CNTNAP5: variants seen among roughly 807,000 people sequenced by gnomAD.
CNTNAP5 encodes the protein contactin associated protein family member 5.
A neutral mutation model predicts 150.2 loss-of-function variants in CNTNAP5; 72 were observed. The observed-to-expected ratio is 0.48, with a 90% confidence interval of 0.40 to 0.58. CNTNAP5 has a LOEUF of 0.58. Ranked by LOEUF, CNTNAP5 falls within the 20% of genes least tolerant of loss-of-function variation. The pLI is 0.00. For synonymous variants in CNTNAP5, 672 were observed against 619.8 expected (o/e 1.08, Z -1.25); for missense variants, 1,636 against 1,626.2 (o/e 1.01, Z -0.10).
chr2:124,840,158 C>T (rs752790279), intron 19 of CNTNAP5, among the ~76,000 whole-genome samples: 5 of 152,052 alleles, frequency 3.3e-5, no homozygotes, highest in Admixed American at 6.6e-5. Context: ...GGAGAGATGA[C>T]TGACAGGTTG....
chr2:124,184,654 G>A (rs1311538489), intron 1 of CNTNAP5, among the ~76,000 whole-genome samples: 5 of 152,172 alleles, frequency 3.3e-5, no homozygotes, highest in Non-Finnish European at 5.9e-5. Flanking sequence ...TTCACCCTTT[G>A]AGTCACAATG....
chr2:124,827,852 G>A (rs1682630715), intron 19 of CNTNAP5, among the ~76,000 whole-genome samples: 1 of 152,130 alleles, frequency 6.6e-6, no homozygotes. Context: ...TAGTTTCTGT[G>A]TTTTCTTCCC....
Position 124,755,907 on chromosome 2 carries a change from A to T in CNTNAP5, c.2235-7765A>T, listed in dbSNP as rs555771772. On this transcript the variant is annotated intron_variant, in intron 14 of 23. Coordinates refer to ENST00000682447, the MANE Select transcript of CNTNAP5 (RefSeq NM_001367498.1). ...ATGTAATGGAAAGAACAAATTGTGG[A>T]TTTGTCACTTATTAACTAGAAAGCC... Among the ~76,000 whole-genome samples the T allele has an allele frequency of 3.3e-5, 5 of 152,234 alleles. No homozygotes were observed. The South Asian group carries it at 1.0e-3, about 32-fold the overall frequency.
chr2:124,490,672 GAAGT>G (rs1284030432), intron 7 of CNTNAP5, among the ~76,000 whole-genome samples: 6 of 152,112 alleles, frequency 3.9e-5, no homozygotes, highest in African/African-American at 1.4e-4. Context: ...TTGAACATTT[GAAGT>G]AAGTATGTCT....
intron 13 of CNTNAP5, among the ~76,000 whole-genome samples, chr2:124,649,170 T>C (rs1678267108): frequency 6.6e-6 from 1 of 152,208 alleles, no homozygotes; most frequent in African/African-American, 2.4e-5. Context: ...ATGTAACCTT[T>C]CTTGGTGACT....
intron 12 of CNTNAP5, among the ~76,000 whole-genome samples, chr2:124,635,303 A>G (rs999990357): frequency 1.3e-5 from 2 of 152,138 alleles, no homozygotes; most frequent in Non-Finnish European, 2.9e-5. Flanking sequence ...AAACTCTATG[A>G]TGAGAACAGT....
intron 3 of CNTNAP5, among the ~76,000 whole-genome samples, chr2:124,360,242 C>G (rs1470013570): frequency 6.6e-6 from 1 of 151,422 alleles, no homozygotes; most frequent in Non-Finnish European, 1.5e-5. Flanking sequence ...ACACTGAATA[C>G]AGCTCTTGAC....
intron 11 of CNTNAP5, among the ~76,000 whole-genome samples, chr2:124,597,549 G>C (rs1453377529): frequency 6.6e-6 from 1 of 150,972 alleles, no homozygotes; most frequent in South Asian, 2.1e-4. Flanking sequence ...AGGGTAACCC[G>C]AACTTTTTCT....
chr2:124,849,577 T>C (rs545350621), intron 19 of CNTNAP5, among the ~76,000 whole-genome samples: 5 of 152,194 alleles, frequency 3.3e-5, no homozygotes, highest in African/African-American at 9.6e-5. Context: ...AAATATACAA[T>C]TGGAATTTTA....
At chr2:124,663,254 G>A (rs1678630051) in intron 13 of CNTNAP5, among the ~76,000 whole-genome samples, 1 of 152,156 alleles carries the variant, frequency 6.6e-6, no homozygotes, top group Admixed American at 6.5e-5. Flanking sequence ...GTCGCCAGCT[G>A]CCCAGACGCC....
intron 3 of CNTNAP5, among the ~76,000 whole-genome samples, chr2:124,381,578 G>T (rs1221965249): frequency 6.6e-6 from 1 of 152,082 alleles, no homozygotes; most frequent in Non-Finnish European, 1.5e-5. Context: ...CTCGTAGAGA[G>T]GTGCCATTTG....
intron 12 of CNTNAP5, among the ~76,000 whole-genome samples, chr2:124,644,862 G>A (rs1678171021): frequency 6.6e-6 from 1 of 151,812 alleles, no homozygotes; most frequent in African/African-American, 2.4e-5. Context: ...TTGAAGCTAA[G>A]GGTTGTGATG....
At chr2:124,844,294 T>C (rs1015701393) in intron 19 of CNTNAP5, among the ~76,000 whole-genome samples, 3 of 152,118 alleles carry the variant, frequency 2.0e-5, no homozygotes, top group Admixed American at 2.0e-4. Flanking sequence ...TATGTTTTTG[T>C]TTGCTTTGTT....
At chr2:124,780,759 G>T (rs1681432584) in intron 17 of CNTNAP5, among the ~76,000 whole-genome samples, 1 of 152,194 alleles carries the variant, frequency 6.6e-6, no homozygotes, top group Admixed American at 6.5e-5. Flanking sequence ...TGTGATTTAA[G>T]CATACCAGAA....
chr2:124,208,959 C>T (rs1469917877), intron 1 of CNTNAP5, among the ~76,000 whole-genome samples: 1 of 152,110 alleles, frequency 6.6e-6, no homozygotes, highest in Non-Finnish European at 1.5e-5. Flanking sequence ...TTGTCATGAC[C>T]TCCCCGTGGG....
intron 13 of CNTNAP5, among the ~76,000 whole-genome samples, chr2:124,740,850 A>G (rs1680483247): frequency 6.6e-6 from 1 of 152,104 alleles, no homozygotes; most frequent in South Asian, 2.1e-4. Flanking sequence ...CTGCTGGGGC[A>G]TGTTCCCAGG....
chr2:124,786,434 GGAAGGAAGGAAGGAAA>G lies in CNTNAP5; in HGVS notation c.2753-3464_2753-3449del, dbSNP rs1323286574. The stretch of plus-strand genomic sequence containing the variant: ...AGGAAGGAAGGAAGGAAGGAAGGAA[GGAAGGAAGGAAGGAAA>G]GAAAGAAAGAAAGAAAGGAAGGAAG... On this transcript the variant is annotated intron_variant, in intron 17 of 23. Coordinates refer to ENST00000682447, the MANE Select transcript of CNTNAP5 (RefSeq NM_001367498.1). Among the ~76,000 whole-genome samples the G allele has an allele frequency of 3.5e-4, 35 of 100,870 alleles. 1 individual carries two copies. The highest frequency in any genetic ancestry group is 4.4e-4 in the Non-Finnish European group (24 of 54,900). The allele number at this position is 100,870 out of a possible 152,430, so 66.2% of individuals were successfully genotyped here. A position where few individuals can be genotyped will look rare whatever the true frequency, so the allele number is the denominator to read the frequency against.
intron 1 of CNTNAP5, among the ~76,000 whole-genome samples, chr2:124,035,253 A>G (rs1338713891): frequency 6.6e-6 from 1 of 152,130 alleles, no homozygotes; most frequent in East Asian, 1.9e-4. Context: ...TGCTCCATGT[A>G]TGAAGTATCT....
At chr2:124,777,583 T>A (rs1282361700) in intron 17 of CNTNAP5, among the ~76,000 whole-genome samples, 1 of 152,054 alleles carries the variant, frequency 6.6e-6, no homozygotes, top group African/African-American at 2.4e-5. Context: ...GGGTTTCACC[T>A]TGTTGCCCAG....
Sources: gnomAD v4.1 joint callset for allele counts (sites outside exome capture counted in the v4.1 genomes callset) on GRCh38, gnomAD v4.1.1 for gene constraint, MANE v1.5 for transcripts, NCBI Gene and HGNC (gene_info 2026-07-23, HGNC 2026-07-21) for gene names.